The following S100A7A variants were observed in gnomAD, a reference collection of about 807,000 sequenced individuals.
The protein encoded by S100A7A is S100 calcium binding protein A7A.
A neutral mutation model predicts 4.0 loss-of-function variants in S100A7A; 5 were observed. The observed-to-expected ratio is 1.26, with a 90% confidence interval of 0.66 to 2.66. The LOEUF is 2.66. Among genes scored for constraint, S100A7A ranks in the 30% most tolerant of loss-of-function variants. The pLI is 0.01. For missense variants in S100A7A, 159 were observed against 125.1 expected, an observed-to-expected ratio of 1.27 and a Z score of -1.29; for synonymous variants, 52 against 46.4, an observed-to-expected ratio of 1.12 and a Z score of -0.49.
Position 153,419,251 on chromosome 1 carries a change from C to A in S100A7A, c.248C>A (p.Ala83Asp). 6.2e-7 allele frequency: 1 copy of A among 1,614,204 alleles called. No homozygotes were observed. The part of the protein sequence containing the change: ...SEFLSLLGDI[A>D]ADYHKQSHGA... ...TTTCTGTCCTTGCTGGGAGACATAGCCGCAGACTACCACAAGCAGAGCCAT... is the reference window on the plus strand; with the variant it reads ...TTTCTGTCCTTGCTGGGAGACATAGACGCAGACTACCACAAGCAGAGCCAT... The change falls in exon 3 of 3, where the codon GCC becomes GAC. Residue 83 changes from alanine (A) to aspartate (D), a missense_variant. By Grantham distance (126) the Ala-to-Asp change is moderately radical. Transcript: ENST00000368729.
rs1662838565 is a variant in S100A7A at position 153,419,494 on chromosome 1, C to T, written c.*185C>T. 1.5e-6 allele frequency: 1 copy of T among 661,414 alleles called. No homozygotes were observed. Among genetic ancestry groups the T allele is most frequent in the Non-Finnish European group, 2.6e-6 (1 of 387,068 alleles). The allele number at this position is 661,414 out of a possible 1,614,324, so 41.0% of individuals were successfully genotyped here. A position where few individuals can be genotyped will look rare whatever the true frequency, so the allele number is the denominator to read the frequency against. ...GGGTCACCCAGGAGTAATGTCCCTC[C>T]AGCAACGTTCCCCCTATGGCCTCCA... On this transcript the variant is annotated 3_prime_UTR_variant, in exon 3 of 3. Transcript: ENST00000368729.
At chr1:153,418,253 G>A (rs1366913153) in intron 2 of S100A7A, 30 bp downstream of exon 2, 3 of 1,606,050 alleles carry the variant, frequency 1.9e-6, no homozygotes, top group East Asian at 2.2e-5. Context: ...CTCAATGTTG[G>A]TTGGACCCTG....
At position 153,422,631 on chromosome 1, in the gene S100A7A, G is replaced by T. The variant is rs1244827105; in HGVS notation, c.*3322G>T. On this transcript the variant is annotated 3_prime_UTR_variant, in exon 3 of 3. Transcript: ENST00000368729. ...GGCGCAGTCTCACTCTGTCGCCCGG[G>T]CTGGAGTGCTGTGAGCTGTCCGTGG... 3 of 536,522 alleles carry T rather than the reference G, an allele frequency of 5.6e-6. No homozygotes were observed. Among genetic ancestry groups the T allele is most frequent in the Non-Finnish European group, 7.1e-6 (3 of 420,332 alleles). 33.2% of individuals were successfully genotyped at this position (536,522 alleles called of 1,614,324 possible). A position where few individuals can be genotyped will look rare whatever the true frequency, so the allele number is the denominator to read the frequency against.
intron 1 of S100A7A, among the ~76,000 whole-genome samples, chr1:153,417,649 T>G (rs1662759731): frequency 6.6e-6 from 1 of 152,192 alleles, no homozygotes; most frequent in Non-Finnish European, 1.5e-5. Flanking sequence ...CCAAGGCCAT[T>G]GTCCTGCCCC....
At position 153,422,644 on chromosome 1, in the gene S100A7A, G is replaced by T; in HGVS notation, c.*3335G>T. On this transcript the variant is annotated 3_prime_UTR_variant, in exon 3 of 3. Transcript: ENST00000368729. Reference sequence around the variant, plus strand: ...TCTGTCGCCCGGGCTGGAGTGCTGTGAGCTGTCCGTGGTGCTGAATTCACT... The same window carrying T: ...TCTGTCGCCCGGGCTGGAGTGCTGTTAGCTGTCCGTGGTGCTGAATTCACT... 1 of 379,328 alleles carries T rather than the reference G, an allele frequency of 2.6e-6. No individual in the cohort carries two copies. The highest frequency in any genetic ancestry group is 3.6e-6 in the Non-Finnish European group (1 of 276,464). 23.5% of individuals were successfully genotyped at this position (379,328 alleles called of 1,614,324 possible).
At position 153,419,569 on chromosome 1, in the gene S100A7A, G is replaced by A. The variant is rs1348024858; in HGVS notation, c.*260G>A. On this transcript the variant is annotated 3_prime_UTR_variant, in exon 3 of 3. Transcript: ENST00000368729. The stretch of plus-strand genomic sequence containing the variant: ...AGGTCCTGGTGTCTGCCTCTGCACC[G>A]TTCCCTAAATGCAGCCACCTTGGCA... 41 of 469,830 alleles carry A rather than the reference G, an allele frequency of 8.7e-5. No individual in the cohort carries two copies. The highest frequency in any genetic ancestry group is 5.7e-4 in the South Asian group (14 of 24,642). The allele number at this position is 469,830 out of a possible 1,614,324, so 29.1% of individuals were successfully genotyped here.
chr1:153,419,428 AG>A lies in S100A7A; in HGVS notation c.*121del. On this transcript the variant is annotated 3_prime_UTR_variant, in exon 3 of 3. Coordinates refer to ENST00000368729, the MANE Select transcript of S100A7A (RefSeq NM_176823.4). ...CTACATTGTCAAAACTACCAATTCC[AG>A]GTTAACTTTGTTGGAGAATTTCCCC... 8.5e-7 allele frequency: 1 copy of A among 1,180,310 alleles called. No homozygotes were observed. The highest frequency in any genetic ancestry group is 1.2e-6 in the Non-Finnish European group (1 of 845,590). The allele number at this position is 1,180,310 out of a possible 1,614,324, so 73.1% of individuals were successfully genotyped here.
rs1162319001 is a variant in S100A7A, at chr1:153,421,223, G to A, written c.*1914G>A. 1 of 152,140 alleles carries A rather than the reference G, an allele frequency of 6.6e-6. No individual in the cohort carries two copies. The highest frequency in any genetic ancestry group is 1.5e-5 in the Non-Finnish European group (1 of 68,034). 9.4% of individuals were successfully genotyped at this position (152,140 alleles called of 1,614,324 possible). A position where few individuals can be genotyped will look rare whatever the true frequency, so the allele number is the denominator to read the frequency against. ...CTCATTAACATTACATTTCAAGGCTGAGCTTTAATGTCAGTGTCTCTTAGA... is the reference window on the plus strand; with the variant it reads ...CTCATTAACATTACATTTCAAGGCTAAGCTTTAATGTCAGTGTCTCTTAGA... On this transcript the variant is annotated 3_prime_UTR_variant, in exon 3 of 3. Coordinates refer to ENST00000368729, the MANE Select transcript of S100A7A (RefSeq NM_176823.4).
In S100A7A at chr1:153,420,416, T is replaced by A. The variant is rs1218435838; in HGVS notation, c.*1107T>A. 6.6e-6 allele frequency: 1 copy of A among 152,262 alleles called. No homozygotes were observed. The highest frequency in any genetic ancestry group is 1.5e-5 in the Non-Finnish European group (1 of 68,074). 9.4% of individuals were successfully genotyped at this position (152,262 alleles called of 1,614,324 possible). A position where few individuals can be genotyped will look rare whatever the true frequency, so the allele number is the denominator to read the frequency against. Reference sequence around the variant, plus strand: ...TTGAGGCTCACATCATGTGTCCCTATCACTCTTACTACTCTGGTCAGTCTC... The same window carrying A: ...TTGAGGCTCACATCATGTGTCCCTAACACTCTTACTACTCTGGTCAGTCTC... On this transcript the variant is annotated 3_prime_UTR_variant, in exon 3 of 3. Coordinates refer to ENST00000368729, the MANE Select transcript of S100A7A (RefSeq NM_176823.4).
chr1:153,418,492 C>T (rs191492064), intron 2 of S100A7A, among the ~76,000 whole-genome samples: 7 of 152,296 alleles, frequency 4.6e-5, no homozygotes, highest in African/African-American at 9.6e-5. Context: ...CCCCTCCCAG[C>T]GCTCACTGAC....
chr1:153,422,609 G>T lies in S100A7A; in HGVS notation c.*3300G>T, dbSNP rs1662925840. ...TTCCAATAACTTTTTTTTTTCAGGCGCAGTCTCACTCTGTCGCCCGGGCTG... is the reference window on the plus strand; with the variant it reads ...TTCCAATAACTTTTTTTTTTCAGGCTCAGTCTCACTCTGTCGCCCGGGCTG... On this transcript the variant is annotated 3_prime_UTR_variant, in exon 3 of 3. Coordinates refer to ENST00000368729, the MANE Select transcript of S100A7A (RefSeq NM_176823.4). 8 of 828,474 alleles carry T rather than the reference G, an allele frequency of 9.7e-6. No homozygotes were observed. The highest frequency in any genetic ancestry group is 1.2e-5 in the Non-Finnish European group (8 of 687,622). 51.3% of individuals were successfully genotyped at this position (828,474 alleles called of 1,614,324 possible).
intron 2 of S100A7A, among the ~76,000 whole-genome samples, chr1:153,418,849 G>C (rs772952109): frequency 6.6e-6 from 1 of 152,136 alleles, no homozygotes; most frequent in Non-Finnish European, 1.5e-5. Context: ...CTGGGAACAG[G>C]CAAGATTGAG....
intron 2 of S100A7A, among the ~76,000 whole-genome samples, chr1:153,418,818 G>C (rs183087692): frequency 2.0e-5 from 3 of 152,316 alleles, no homozygotes; most frequent in African/African-American, 7.2e-5. Flanking sequence ...GTAGAACTAA[G>C]GTAGGCAGTG....
At position 153,418,218 on chromosome 1, in the gene S100A7A, G is replaced by A. The variant is rs765976215; in HGVS notation, c.136G>A (p.Ala46Thr). Residue 46 changes from alanine (A) to threonine (T), a missense_variant, in exon 2 of 3, where the codon GCC becomes ACC. Physicochemically the swap from Ala to Thr is moderately conservative, Grantham distance 58. Transcript: ENST00000368729. ...MKENFPNFLSACDKKGIHYLA... is the reference protein window; with the variant it reads ...MKENFPNFLSTCDKKGIHYLA... ...GGAGAACTTCCCCAATTTCCTCAGT[G>A]CCTGTGTGAGTTGGGGTCTAGCTTC... 3 of 1,613,970 alleles carry A rather than the reference G, an allele frequency of 1.9e-6. No individual in the cohort carries two copies. The highest frequency in any genetic ancestry group is 1.1e-5 in the South Asian group (1 of 91,074).
Position 153,419,441 on chromosome 1 carries a change from T to G in S100A7A, c.*132T>G. On this transcript the variant is annotated 3_prime_UTR_variant, in exon 3 of 3. Coordinates refer to ENST00000368729, the MANE Select transcript of S100A7A (RefSeq NM_176823.4). Reference sequence around the variant, plus strand: ...ACTACCAATTCCAGGTTAACTTTGTTGGAGAATTTCCCCCACCCCCATCCA... The same window carrying G: ...ACTACCAATTCCAGGTTAACTTTGTGGGAGAATTTCCCCCACCCCCATCCA... The G allele has an allele frequency of 1.8e-6, 2 of 1,090,062 alleles. No individual in the cohort carries two copies. Among genetic ancestry groups the G allele is most frequent in the Non-Finnish European group, 2.6e-6 (2 of 768,014 alleles). The allele number at this position is 1,090,062 out of a possible 1,614,324, so 67.5% of individuals were successfully genotyped here.
rs1391956675 is a variant in S100A7A, at chr1:153,421,614, C to T, written c.*2305C>T. 6.6e-6 allele frequency: 1 copy of T among 152,180 alleles called. No homozygotes were observed. Among genetic ancestry groups the T allele is most frequent in the Non-Finnish European group, 1.5e-5 (1 of 68,052 alleles). The allele number at this position is 152,180 out of a possible 1,614,324, so 9.4% of individuals were successfully genotyped here. On this transcript the variant is annotated 3_prime_UTR_variant, in exon 3 of 3. Transcript: ENST00000368729. ...AGGGGAGGACCCCAGAATCTGGACC[C>T]CAGAGTCTGGAAGCAGGCCAGAAAG...
Position 153,422,593 on chromosome 1 carries a change from C to CTT in S100A7A, c.*3293_*3294dup. Reference sequence around the variant, plus strand: ...TTCTGATATCAAAACATTCCAATAACTTTTTTTTTTCAGGCGCAGTCTCAC... The same window carrying CTT: ...TTCTGATATCAAAACATTCCAATAACTTTTTTTTTTTTCAGGCGCAGTCTCAC... On this transcript the variant is annotated 3_prime_UTR_variant, in exon 3 of 3. Coordinates refer to ENST00000368729, the MANE Select transcript of S100A7A (RefSeq NM_176823.4). The CTT allele has an allele frequency of 1.4e-5, 13 of 908,944 alleles. No individual in the cohort carries two copies. The highest frequency in any genetic ancestry group is 5.4e-5 in the African/African-American group (3 of 55,510). 56.3% of individuals were successfully genotyped at this position (908,944 alleles called of 1,614,324 possible).
intron 2 of S100A7A, among the ~76,000 whole-genome samples, 162 bp downstream of exon 2, chr1:153,418,385 G>C (rs1025096374): frequency 6.6e-6 from 1 of 152,186 alleles, no homozygotes. Context: ...TCTAAGGATG[G>C]TAGGCGAAAA....
rs1057454601 is a variant in S100A7A at position 153,421,108 on chromosome 1, C to G, written c.*1799C>G. Reference sequence around the variant, plus strand: ...TTATTCCCCGAATGCGCAACATACCCCCCATCAATATATCTCAGTATTTCA... The same window carrying G: ...TTATTCCCCGAATGCGCAACATACCGCCCATCAATATATCTCAGTATTTCA... On this transcript the variant is annotated 3_prime_UTR_variant, in exon 3 of 3. Transcript: ENST00000368729. 6.6e-6 allele frequency: 1 copy of G among 152,202 alleles called. No homozygotes were observed. Among genetic ancestry groups the G allele is most frequent in the East Asian group, 1.9e-4 (1 of 5,200 alleles). The allele number at this position is 152,202 out of a possible 1,614,324, so 9.4% of individuals were successfully genotyped here. A position where few individuals can be genotyped will look rare whatever the true frequency, so the allele number is the denominator to read the frequency against.
Sources: allele counts gnomAD v4.1 joint callset (sites outside exome capture counted in the v4.1 genomes callset), GRCh38; gene constraint gnomAD v4.1.1; transcripts MANE v1.5; gene names NCBI Gene and HGNC (gene_info 2026-07-23, HGNC 2026-07-21).